The following ANTXR1 variants were observed in gnomAD, a reference collection of about 807,000 sequenced individuals.
ANTXR1 encodes the protein anthrax toxin receptor 1.
ANTXR1 carries 19 observed loss-of-function variants against 78.1 expected under a neutral mutation model. The ratio of observed to expected loss-of-function variants is 0.24; its 90% confidence interval spans 0.17 to 0.36. The LOEUF is 0.36. Ranked by LOEUF, ANTXR1 falls within the 10% of genes least tolerant of loss-of-function variation. The pLI, the probability that ANTXR1 is intolerant of heterozygous loss-of-function variation, is 1.00. For synonymous variants in ANTXR1, 273 were observed against 260.5 expected (o/e 1.05, Z -0.46); for missense variants, 518 against 718.6 (o/e 0.72, Z 3.19).
At chr2:69,188,253 T>C (rs1450336066) in intron 16 of ANTXR1, among the ~76,000 whole-genome samples, 1 of 152,164 alleles carries the variant, frequency 6.6e-6, no homozygotes, top group African/African-American at 2.4e-5. Flanking sequence ...ACTACAGATA[T>C]AAGCCATCAC....
intron 5 of ANTXR1, 116 bp from the exon 6 acceptor site, chr2:69,072,906 T>G: frequency 9.6e-7 from 1 of 1,041,792 alleles, no homozygotes; most frequent in South Asian, 1.3e-5. Flanking sequence ...AGTTGGTGAT[T>G]CTCACAATAT....
intron 1 of ANTXR1, among the ~76,000 whole-genome samples, chr2:69,037,773 TGA>T (rs750279754): frequency 6.1e-4 from 93 of 152,224 alleles, no homozygotes; most frequent in Non-Finnish European, 1.1e-3. Flanking sequence ...TCCACTGACC[TGA>T]GTCTTGAATG....
chr2:69,159,118 A>G (rs967133429), intron 13 of ANTXR1, among the ~76,000 whole-genome samples: 11 of 152,228 alleles, frequency 7.2e-5, no homozygotes, highest in African/African-American at 2.7e-4. Flanking sequence ...CATGACTTAC[A>G]TGTATGTTAT....
In ANTXR1 at chr2:69,248,925, A is replaced by G. The variant is rs1035280259; in HGVS notation, c.*3440A>G. The G allele has an allele frequency of 1.3e-5, 2 of 152,236 alleles. No individual in the cohort carries two copies. The highest frequency in any genetic ancestry group is 4.8e-5 in the African/African-American group (2 of 41,466). 9.4% of individuals were successfully genotyped at this position (152,236 alleles called of 1,614,324 possible). A position where few individuals can be genotyped will look rare whatever the true frequency, so the allele number is the denominator to read the frequency against. Reference sequence around the variant, plus strand: ...CTTGTTATCTGAGCTCTCCTATATTATCATACTCAGATAACCAAATTAAAA... The same window carrying G: ...CTTGTTATCTGAGCTCTCCTATATTGTCATACTCAGATAACCAAATTAAAA... On this transcript the variant is annotated 3_prime_UTR_variant, in exon 18 of 18. Transcript: ENST00000303714.
At chr2:69,146,236 G>A (rs1424865875) in intron 12 of ANTXR1, 2 of 985,416 alleles carry the variant, frequency 2.0e-6, no homozygotes, top group Middle Eastern at 5.2e-4. Flanking sequence ...CCAACAGGAA[G>A]ATGCAACCCC....
chr2:69,059,176 G>GT (rs1670157182), intron 3 of ANTXR1, among the ~76,000 whole-genome samples: 1 of 152,222 alleles, frequency 6.6e-6, no homozygotes, highest in Non-Finnish European at 1.5e-5. Flanking sequence ...CAGCAACAAG[G>GT]TTTGAGAGGA....
At chr2:69,126,895 T>C (rs1401996042) in intron 12 of ANTXR1, among the ~76,000 whole-genome samples, 1 of 152,192 alleles carries the variant, frequency 6.6e-6, no homozygotes, top group Non-Finnish European at 1.5e-5. Context: ...CAAGACCACC[T>C]CATAATATAT....
rs368314369 is a variant in ANTXR1, at chr2:69,116,238, AC to A, written c.803-6773del. Among the ~76,000 whole-genome samples, 39 of 152,132 alleles carry A rather than the reference AC, an allele frequency of 2.6e-4. No homozygotes were observed. In the East Asian group the frequency reaches 2.9e-3, roughly 11 times the overall value. On this transcript the variant is annotated intron_variant, in intron 10 of 17. Coordinates refer to ENST00000303714, the MANE Select transcript of ANTXR1 (RefSeq NM_032208.3). ...GGCTCCCATTTTGCTTTGTAATAAG[AC>A]CCCCCTAACACACATTTGTGAATTA...
intron 12 of ANTXR1, among the ~76,000 whole-genome samples, chr2:69,136,082 C>T (rs1573921532): frequency 6.6e-6 from 1 of 152,046 alleles, no homozygotes; most frequent in East Asian, 1.9e-4. Context: ...ATATAATGGG[C>T]AGTGTTTTCC....
intron 15 of ANTXR1, 104 bp downstream of exon 15, chr2:69,181,985 G>A: frequency 1.8e-6 from 2 of 1,136,838 alleles, no homozygotes; most frequent in Non-Finnish European, 2.6e-6. Flanking sequence ...GGCATGCCCA[G>A]GGCAGTATGG....
chr2:69,230,361 C>G (rs1675560817), intron 17 of ANTXR1, among the ~76,000 whole-genome samples: 1 of 151,878 alleles, frequency 6.6e-6, no homozygotes, highest in Non-Finnish European at 1.5e-5. Flanking sequence ...CAGGGGCCAT[C>G]AGAGTGAGTC....
chr2:69,235,229 G>A (rs2104525693), intron 17 of ANTXR1, among the ~76,000 whole-genome samples: 1 of 151,904 alleles, frequency 6.6e-6, no homozygotes, highest in East Asian at 2.0e-4. Flanking sequence ...CTCCATGTTG[G>A]TCAGGCTGGT....
At position 69,247,968 on chromosome 2, in the gene ANTXR1, G is replaced by T; in HGVS notation, c.*2483G>T. On this transcript the variant is annotated 3_prime_UTR_variant, in exon 18 of 18. Coordinates refer to ENST00000303714, the MANE Select transcript of ANTXR1 (RefSeq NM_032208.3). Reference sequence around the variant, plus strand: ...GCTCAGCAGGATTTGTTCTTAAACCGACTCAGTGTGTCATCCCCGGTTATT... The same window carrying T: ...GCTCAGCAGGATTTGTTCTTAAACCTACTCAGTGTGTCATCCCCGGTTATT... 6.4e-6 allele frequency: 1 copy of T among 155,710 alleles called. No homozygotes were observed. The allele number at this position is 155,710 out of a possible 1,614,324, so 9.6% of individuals were successfully genotyped here. A position where few individuals can be genotyped will look rare whatever the true frequency, so the allele number is the denominator to read the frequency against.
chr2:69,014,568 C>T (rs1038805909), intron 1 of ANTXR1, among the ~76,000 whole-genome samples: 1 of 152,068 alleles, frequency 6.6e-6, no homozygotes, highest in African/African-American at 2.4e-5. Context: ...ATAAGTTTGC[C>T]AAGCCACAGT....
chr2:69,118,362 T>C (rs1320059046), intron 10 of ANTXR1, among the ~76,000 whole-genome samples: 2 of 151,916 alleles, frequency 1.3e-5, no homozygotes, highest in Non-Finnish European at 2.9e-5. Flanking sequence ...GCACAGAAGA[T>C]TGAGGCTGCA....
chr2:69,041,215 A>G (rs994182721), intron 2 of ANTXR1, among the ~76,000 whole-genome samples: 1 of 152,234 alleles, frequency 6.6e-6, no homozygotes, highest in Non-Finnish European at 1.5e-5. Context: ...AAAGGATCAT[A>G]GAAACTAGGA....
intron 5 of ANTXR1, among the ~76,000 whole-genome samples, chr2:69,072,272 T>C (rs183528458): frequency 1.3e-5 from 2 of 152,330 alleles, no homozygotes; most frequent in African/African-American, 4.8e-5. Context: ...GCCTAGCACA[T>C]AGAAATTTTT....
At position 69,245,667 on chromosome 2, in the gene ANTXR1, C is replaced by G; in HGVS notation, c.*182C>G. On this transcript the variant is annotated 3_prime_UTR_variant, in exon 18 of 18. Transcript: ENST00000303714. ...TGAAAGAAACAGATATTTTAAATTGCCAGAAAACAAATGATGAGGCAACTA... is the reference window on the plus strand; with the variant it reads ...TGAAAGAAACAGATATTTTAAATTGGCAGAAAACAAATGATGAGGCAACTA... 1.2e-6 allele frequency: 1 copy of G among 867,224 alleles called. No homozygotes were observed. The allele number at this position is 867,224 out of a possible 1,614,324, so 53.7% of individuals were successfully genotyped here. A position where few individuals can be genotyped will look rare whatever the true frequency, so the allele number is the denominator to read the frequency against.
chr2:69,145,454 A>C (rs78775089), intron 12 of ANTXR1: 5 of 1,541,138 alleles, frequency 3.2e-6, no homozygotes, highest in Admixed American at 4.0e-5. Flanking sequence ...CTCGGTTTAC[A>C]CTTTCCTTAT....
Sources: gnomAD v4.1 joint callset for allele counts (sites outside exome capture counted in the v4.1 genomes callset) on GRCh38, gnomAD v4.1.1 for gene constraint, MANE v1.5 for transcripts, NCBI Gene and HGNC (gene_info 2026-07-23, HGNC 2026-07-21) for gene names.